The following TMTC2 variants were observed in gnomAD, a reference collection of about 807,000 sequenced individuals.
TMTC2 encodes protein O-mannosyl-transferase TMTC2.
Under a neutral mutation model 82.4 loss-of-function variants are expected in TMTC2, and 43 were observed. That is an observed-to-expected ratio of 0.52 (90% CI 0.41 to 0.67). TMTC2 has a LOEUF of 0.67. Among genes scored for constraint, TMTC2 ranks in the 30% least tolerant of loss-of-function variants. The probability of loss-of-function intolerance (pLI) is 0.00; values close to 1 mark genes in which losing one functional copy is unlikely to be tolerated. For missense variants in TMTC2, 919 were observed against 1,012.4 expected, an observed-to-expected ratio of 0.91 and a Z score of 1.25; for synonymous variants, 408 against 381.9, an observed-to-expected ratio of 1.07 and a Z score of -0.80.
chr12:82,807,540 C>A (rs759015981), intron 1 of TMTC2, among the ~76,000 whole-genome samples: 3 of 152,058 alleles, frequency 2.0e-5, no homozygotes, highest in Admixed American at 6.5e-5. Flanking sequence ...AGAGACAATG[C>A]ATGACAGAGA....
chr12:82,930,052 TG>T (rs1875943456), intron 3 of TMTC2, among the ~76,000 whole-genome samples: 1 of 152,160 alleles, frequency 6.6e-6, no homozygotes, highest in Non-Finnish European at 1.5e-5. Flanking sequence ...ATGAAATATT[TG>T]TTTATTTTAA....
At chr12:82,730,764 AC>A (rs1379320753) in intron 1 of TMTC2, among the ~76,000 whole-genome samples, 2 of 152,250 alleles carry the variant, frequency 1.3e-5, no homozygotes, top group African/African-American at 4.8e-5. Context: ...CAATAACCTT[AC>A]CTTATTGTGG....
intron 1 of TMTC2, among the ~76,000 whole-genome samples, chr12:82,791,921 C>G (rs2137023547): frequency 6.6e-6 from 1 of 151,980 alleles, no homozygotes. Flanking sequence ...CTCTCCTACC[C>G]CAACTGTTAC....
At chr12:82,923,524 A>G (rs1875515676) in intron 3 of TMTC2, among the ~76,000 whole-genome samples, 1 of 152,082 alleles carries the variant, frequency 6.6e-6, no homozygotes, top group Non-Finnish European at 1.5e-5. Flanking sequence ...TTTACATTTC[A>G]AATGATATTT....
intron 8 of TMTC2, among the ~76,000 whole-genome samples, chr12:83,003,122 A>G (rs554252552): frequency 6.6e-6 from 1 of 152,272 alleles, no homozygotes; most frequent in South Asian, 2.1e-4. Context: ...GTATATATTT[A>G]GGATAGTTAA....
chr12:83,069,142 T>G (rs1457622983), intron 11 of TMTC2, among the ~76,000 whole-genome samples: 2 of 152,210 alleles, frequency 1.3e-5, no homozygotes, highest in East Asian at 3.8e-4. Context: ...AAAATTTTGC[T>G]ATTGTGAATT....
At chr12:82,802,490 G>T (rs933656097) in intron 1 of TMTC2, among the ~76,000 whole-genome samples, 1 of 152,208 alleles carries the variant, frequency 6.6e-6, no homozygotes, top group Non-Finnish European at 1.5e-5. Flanking sequence ...TGGGAGGGCT[G>T]CCAGCACGCT....
At chr12:82,988,128 C>CT (rs1472324765) in intron 8 of TMTC2, among the ~76,000 whole-genome samples, 2 of 151,990 alleles carry the variant, frequency 1.3e-5, no homozygotes, top group Admixed American at 1.3e-4. Flanking sequence ...TCAGACTAAG[C>CT]TTTTAATGAA....
chr12:82,754,570 A>G (rs1220432661), intron 1 of TMTC2, among the ~76,000 whole-genome samples: 1 of 151,940 alleles, frequency 6.6e-6, no homozygotes, highest in East Asian at 1.9e-4. Context: ...CCCTGTCTCT[A>G]CTAAAACGGT....
At chr12:82,749,160 TG>T (rs1278007912) in intron 1 of TMTC2, among the ~76,000 whole-genome samples, 2 of 152,254 alleles carry the variant, frequency 1.3e-5, no homozygotes, top group African/African-American at 4.8e-5. Context: ...TCTTTGACGG[TG>T]GCTCAGAGTA....
chr12:82,798,847 A>C (rs1299758778), intron 1 of TMTC2, among the ~76,000 whole-genome samples: 1 of 151,576 alleles, frequency 6.6e-6, no homozygotes, highest in African/African-American at 2.4e-5. Flanking sequence ...TGCTAGTTAG[A>C]GAAGTTGTGA....
chr12:82,821,941 A>G (rs990202861), intron 1 of TMTC2, among the ~76,000 whole-genome samples: 1 of 152,056 alleles, frequency 6.6e-6, no homozygotes, highest in Non-Finnish European at 1.5e-5. Flanking sequence ...ATCTCTTGCA[A>G]GCTACTGTAA....
chr12:82,891,065 C>T (rs938389699), intron 2 of TMTC2, among the ~76,000 whole-genome samples: 7 of 152,124 alleles, frequency 4.6e-5, no homozygotes, highest in African/African-American at 9.7e-5. Context: ...CACCAAACTG[C>T]GGATACAGAA....
intron 3 of TMTC2, among the ~76,000 whole-genome samples, chr12:82,911,916 C>T (rs1462560532): frequency 6.6e-6 from 1 of 152,088 alleles, no homozygotes; most frequent in Non-Finnish European, 1.5e-5. Flanking sequence ...AGCCCATACT[C>T]GGATTTGGTT....
chr12:82,895,640 G>C (rs1592608068), intron 2 of TMTC2, among the ~76,000 whole-genome samples, 178 bp from the exon 3 acceptor site: 1 of 151,994 alleles, frequency 6.6e-6, no homozygotes, highest in African/African-American at 2.4e-5. Context: ...AGGTTTTTTT[G>C]GAGATTAAAA....
At chr12:82,925,993 T>TG (rs1370559945) in intron 3 of TMTC2, among the ~76,000 whole-genome samples, 9 of 13,066 alleles carry the variant, frequency 6.9e-4, no homozygotes, top group Admixed American at 1.1e-3. Flanking sequence ...TTTTTTTTTG[T>TG]TTTTTTTTTG....
At chr12:82,903,572 C>G (rs1483134493) in intron 3 of TMTC2, among the ~76,000 whole-genome samples, 1 of 152,072 alleles carries the variant, frequency 6.6e-6, no homozygotes, top group Non-Finnish European at 1.5e-5. Flanking sequence ...CCACCACGCC[C>G]AGCTAATTTT....
rs114232195 is a variant in TMTC2, at chr12:82,879,277, G to A, written c.655-16541G>A. ...GTAGGGTTTAGTGTGGTTTATAGCC[G>A]TGGTCCCCAACCTTTTTGGCCGGTT... On this transcript the variant is annotated intron_variant, in intron 2 of 11. Transcript: ENST00000321196. 1.6e-3 allele frequency among the ~76,000 whole-genome samples: 240 copies of A among 152,260 alleles called. 1 individual carries two copies. The highest frequency in any genetic ancestry group is 5.5e-3 in the African/African-American group (227 of 41,558).
At chr12:82,913,596 G>GTAT (rs1460562906) in intron 3 of TMTC2, among the ~76,000 whole-genome samples, 5 of 152,096 alleles carry the variant, frequency 3.3e-5, no homozygotes, top group African/African-American at 1.2e-4. Context: ...TTTTTAATTG[G>GTAT]TAATATTCAT....
Sources: gnomAD v4.1 joint callset for allele counts (sites outside exome capture counted in the v4.1 genomes callset) on GRCh38, gnomAD v4.1.1 for gene constraint, MANE v1.5 for transcripts, NCBI Gene and HGNC (gene_info 2026-07-23, HGNC 2026-07-21) for gene names.